The following DLG1 variants were observed in gnomAD, a reference collection of about 807,000 sequenced individuals.
The protein encoded by DLG1 is discs large MAGUK scaffold protein 1.
In DLG1, 42 loss-of-function variants were observed where a neutral mutation model predicts 123.4. The observed-to-expected ratio is 0.34, with a 90% CI of 0.27 to 0.44. The LOEUF (loss-of-function observed/expected upper bound fraction) is 0.44, where lower values mean the gene tolerates loss of function less well. Ranked by LOEUF, DLG1 falls within the 20% of genes least tolerant of loss-of-function variation. DLG1 has a pLI of 1.00. For missense variants in DLG1, 942 were observed against 1,082.6 expected (o/e 0.87, Z 1.82); for synonymous variants, 317 against 356.2 (o/e 0.89, Z 1.24).
intron 14 of DLG1, among the ~76,000 whole-genome samples, chr3:197,102,336 CTCTA>C (rs768504325): frequency 9.2e-5 from 14 of 152,292 alleles, no homozygotes; most frequent in South Asian, 6.2e-4. Context: ...TTACCTTTGT[CTCTA>C]TCTGTCTGTC....
intron 9 of DLG1, among the ~76,000 whole-genome samples, 194 bp from the exon 10 acceptor site, chr3:197,136,872 G>A (rs1785291391): frequency 6.6e-6 from 1 of 152,188 alleles, no homozygotes; most frequent in Non-Finnish European, 1.5e-5. Flanking sequence ...CTAGAGTTAC[G>A]AATAGATTCC....
intron 5 of DLG1, among the ~76,000 whole-genome samples, chr3:197,160,058 C>T (rs929683247): frequency 3.9e-5 from 6 of 152,132 alleles, no homozygotes; most frequent in East Asian, 3.8e-4. Flanking sequence ...AATGGAAGTG[C>T]GCTGTGGTTA....
At chr3:197,146,843 C>T (rs1561029875) in intron 6 of DLG1, among the ~76,000 whole-genome samples, 1 of 152,164 alleles carries the variant, frequency 6.6e-6, no homozygotes, top group Non-Finnish European at 1.5e-5. Flanking sequence ...AAATAATCAG[C>T]AGAGTTAACA....
chr3:197,169,795 C>T (rs1296794926), intron 5 of DLG1, among the ~76,000 whole-genome samples: 1 of 152,116 alleles, frequency 6.6e-6, no homozygotes, highest in African/African-American at 2.4e-5. Flanking sequence ...GGTACATGTG[C>T]AAGCTTGTTA....
intron 14 of DLG1, among the ~76,000 whole-genome samples, chr3:197,100,006 G>C (rs1160089996): frequency 6.6e-6 from 1 of 152,142 alleles, no homozygotes; most frequent in East Asian, 1.9e-4. Flanking sequence ...ATCCCAGTTT[G>C]GTTGAACAGC....
chr3:197,060,046 CAAT>C, intron 22 of DLG1, 48 bp from the exon 23 acceptor site: 1 of 1,335,794 alleles, frequency 7.5e-7, no homozygotes, highest in Non-Finnish European at 1.1e-6. Context: ...CAAATATTCT[CAAT>C]AATATCAAAG....
intron 5 of DLG1, among the ~76,000 whole-genome samples, chr3:197,151,341 A>C (rs1793752437): frequency 6.6e-6 from 1 of 152,194 alleles, no homozygotes; most frequent in Non-Finnish European, 1.5e-5. Context: ...GTTGGTTTTT[A>C]TCAAAATCTA....
chr3:197,223,582 T>C (rs751459575), intron 4 of DLG1, among the ~76,000 whole-genome samples: 17 of 152,252 alleles, frequency 1.1e-4, no homozygotes, highest in Non-Finnish European at 2.4e-4. Context: ...CATAGTAAGA[T>C]TACTTGTTGT....
intron 5 of DLG1, among the ~76,000 whole-genome samples, chr3:197,180,768 G>A (rs1360652622): frequency 6.6e-6 from 1 of 151,994 alleles, no homozygotes; most frequent in African/African-American, 2.4e-5. Context: ...AAAAGGAGAT[G>A]GGCTGCTGTG....
chr3:197,161,847 G>T, intron 5 of DLG1: 1 of 666,982 alleles, frequency 1.5e-6, no homozygotes. Flanking sequence ...AAATAACTAT[G>T]CAACAGGAAA....
At chr3:197,274,406 T>C (rs1447654367) in intron 4 of DLG1, among the ~76,000 whole-genome samples, 2 of 152,144 alleles carry the variant, frequency 1.3e-5, no homozygotes, top group Non-Finnish European at 2.9e-5. Flanking sequence ...AGAATGAATC[T>C]AGACTCCCAT....
At chr3:197,199,608 A>C (rs1459058486) in intron 4 of DLG1, among the ~76,000 whole-genome samples, 2 of 152,178 alleles carry the variant, frequency 1.3e-5, no homozygotes, top group African/African-American at 4.8e-5. Flanking sequence ...TTATTCAAAA[A>C]AGAGAAACCT....
At chr3:197,298,733 T>C (rs1291198126), upstream of DLG1, 1 of 396,820 alleles carries the variant, frequency 2.5e-6, no homozygotes, top group African/African-American at 2.1e-5. Flanking sequence ...AACTCTGCAT[T>C]GCCTTCCACT....
At chr3:197,149,851 T>C in intron 5 of DLG1, 55 bp from the exon 6 acceptor site, 2 of 1,043,076 alleles carry the variant, frequency 1.9e-6, no homozygotes, top group Non-Finnish European at 3.0e-6. Context: ...TACATGTTCA[T>C]GTTCACAATG....
intron 4 of DLG1, among the ~76,000 whole-genome samples, chr3:197,262,928 T>C (rs1328556459): frequency 1.3e-5 from 2 of 152,186 alleles, no homozygotes; most frequent in East Asian, 3.8e-4. Context: ...CCATGCAGGA[T>C]ATAGCCTGGA....
chr3:197,115,297 A>T (rs1399485618), intron 13 of DLG1, among the ~76,000 whole-genome samples: 2 of 152,070 alleles, frequency 1.3e-5, no homozygotes, highest in Non-Finnish European at 2.9e-5. Context: ...TTAGACAAAA[A>T]TTGTGTATGG....
In DLG1 at chr3:197,043,583, A is replaced by G. The variant is rs545515705; in HGVS notation, c.*1040T>C. 1 of 151,748 alleles carries G rather than the reference A, an allele frequency of 6.6e-6. No homozygotes were observed. Among genetic ancestry groups the G allele is most frequent in the East Asian group, 1.9e-4 (1 of 5,190 alleles). 9.4% of individuals were successfully genotyped at this position (151,748 alleles called of 1,614,324 possible). ...AACAAAATATATTTTAAATATATAT[A>G]TATGTTTGTGTGTGTGCGCAACTAT... On this transcript the variant is annotated 3_prime_UTR_variant, in exon 25 of 25. Transcript: ENST00000667157.
intron 13 of DLG1, among the ~76,000 whole-genome samples, chr3:197,105,701 G>C (rs779028703): frequency 6.6e-6 from 1 of 151,982 alleles, no homozygotes; most frequent in Non-Finnish European, 1.5e-5. Context: ...TACTTTGCGC[G>C]CATATATACA....
intron 4 of DLG1, among the ~76,000 whole-genome samples, chr3:197,282,246 C>T (rs1388028170): frequency 6.6e-6 from 1 of 152,162 alleles, no homozygotes; most frequent in Non-Finnish European, 1.5e-5. Flanking sequence ...AGTTTGAATG[C>T]CATCCTTCAA....
Sources: gnomAD v4.1 joint callset for allele counts (sites outside exome capture counted in the v4.1 genomes callset) on GRCh38, gnomAD v4.1.1 for gene constraint, MANE v1.5 for transcripts, NCBI Gene and HGNC (gene_info 2026-07-23, HGNC 2026-07-21) for gene names.